GPC6: variants seen among roughly 807,000 people sequenced by gnomAD.
GPC6 encodes the protein glypican 6.
GPC6 carries 14 observed loss-of-function variants against 55.2 expected under a neutral mutation model. The observed-to-expected ratio is 0.25, with a 90% CI of 0.17 to 0.40. The LOEUF is 0.40. Ranked by LOEUF, GPC6 falls within the 10% of genes least tolerant of loss-of-function variation. The pLI, the probability that GPC6 is intolerant of heterozygous loss-of-function variation, is 1.00. For missense variants in GPC6, 641 were observed against 708.5 expected (o/e 0.90, Z 1.08); for synonymous variants, 278 against 259.6 (o/e 1.07, Z -0.68).
chr13:93,535,481 A>G (rs1329220219), intron 1 of GPC6, among the ~76,000 whole-genome samples: 1 of 152,132 alleles, frequency 6.6e-6, no homozygotes, highest in Non-Finnish European at 1.5e-5. Flanking sequence ...CTGCTGTTGT[A>G]ATGCCAAAGT....
intron 2 of GPC6, among the ~76,000 whole-genome samples, chr13:93,766,244 G>T (rs7991676): frequency 0.67 from 101,188 of 152,028 alleles, 34,673 homozygotes; most frequent in African/African-American, 0.81. Context: ...AAAATTGAAG[G>T]AGATCTGCAG....
At chr13:93,289,202 T>C (rs892781077) in intron 1 of GPC6, among the ~76,000 whole-genome samples, 1 of 152,152 alleles carries the variant, frequency 6.6e-6, no homozygotes, top group Non-Finnish European at 1.5e-5. Context: ...ACGTCTTTAA[T>C]GCACACCAGC....
At chr13:94,083,340 G>C (rs372221334) in intron 4 of GPC6, among the ~76,000 whole-genome samples, 48 of 152,254 alleles carry the variant, frequency 3.2e-4, no homozygotes, top group East Asian at 1.9e-3. Flanking sequence ...GGATGGTCTC[G>C]ATCTCCTGAC....
At chr13:93,333,798 A>T (rs997514724) in intron 1 of GPC6, among the ~76,000 whole-genome samples, 1 of 152,136 alleles carries the variant, frequency 6.6e-6, no homozygotes, top group African/African-American at 2.4e-5. Flanking sequence ...TCAGCCGCCC[A>T]AAGTGCTTAG....
intron 3 of GPC6, among the ~76,000 whole-genome samples, chr13:93,854,423 T>A (rs1251089335): frequency 1.3e-5 from 2 of 151,712 alleles, no homozygotes; most frequent in Non-Finnish European, 3.0e-5. Flanking sequence ...TCCCCAAAAC[T>A]GTGCTCTTTA....
At chr13:94,044,579 A>G (rs577080931) in intron 4 of GPC6, among the ~76,000 whole-genome samples, 4 of 151,906 alleles carry the variant, frequency 2.6e-5, no homozygotes. Context: ...ATATGCTATA[A>G]TGATTGACTT....
chr13:93,516,243 C>T (rs1465990509), intron 1 of GPC6, among the ~76,000 whole-genome samples: 2 of 152,152 alleles, frequency 1.3e-5, no homozygotes, highest in African/African-American at 4.8e-5. Context: ...CAACTCTCTC[C>T]AGATGTGCAG....
At chr13:93,334,247 A>C (rs983988755) in intron 1 of GPC6, among the ~76,000 whole-genome samples, 1 of 152,124 alleles carries the variant, frequency 6.6e-6, no homozygotes, top group African/African-American at 2.4e-5. Flanking sequence ...GTGTAGCAAA[A>C]GGACATAATT....
intron 2 of GPC6, among the ~76,000 whole-genome samples, chr13:93,791,041 C>A (rs1361217051): frequency 1.3e-5 from 2 of 152,134 alleles, no homozygotes; most frequent in African/African-American, 4.8e-5. Context: ...CTCAACCGTT[C>A]CCCCTACCCC....
At chr13:93,878,272 A>G (rs188848222) in intron 3 of GPC6, among the ~76,000 whole-genome samples, 1 of 152,138 alleles carries the variant, frequency 6.6e-6, no homozygotes, top group East Asian at 2.0e-4. Context: ...TTAGGCCATG[A>G]GGGTTCCACC....
chr13:93,457,667 G>A (rs1036921484), intron 1 of GPC6, among the ~76,000 whole-genome samples: 2 of 152,122 alleles, frequency 1.3e-5, no homozygotes, highest in African/African-American at 2.4e-5. Flanking sequence ...ACTGGAAAGT[G>A]ATGCATGTCT....
chr13:94,363,904 G>A (rs1420855511), intron 6 of GPC6, among the ~76,000 whole-genome samples: 1 of 152,194 alleles, frequency 6.6e-6, no homozygotes, highest in African/African-American at 2.4e-5. Context: ...TAAAGACTTA[G>A]TACCAGAAAA....
intron 3 of GPC6, among the ~76,000 whole-genome samples, chr13:93,910,133 G>C (rs1016751224): frequency 1.3e-5 from 2 of 152,006 alleles, no homozygotes; most frequent in African/African-American, 2.4e-5. Context: ...ATATCATCTT[G>C]AATTGTAGCT....
intron 4 of GPC6, among the ~76,000 whole-genome samples, chr13:94,179,835 G>A (rs1446194796): frequency 6.6e-6 from 1 of 152,084 alleles, no homozygotes; most frequent in African/African-American, 2.4e-5. Context: ...TACTTTTGGG[G>A]TAATAATGTG....
At chr13:93,858,741 G>A (rs1285949691) in intron 3 of GPC6, among the ~76,000 whole-genome samples, 2 of 151,524 alleles carry the variant, frequency 1.3e-5, no homozygotes, top group Admixed American at 1.3e-4. Flanking sequence ...GAGCTCATTG[G>A]TGGTATCGAC....
At chr13:94,105,894 A>T (rs916403445) in intron 4 of GPC6, among the ~76,000 whole-genome samples, 2 of 152,094 alleles carry the variant, frequency 1.3e-5, no homozygotes, top group African/African-American at 4.8e-5. Context: ...GGATGCTGCT[A>T]AGCATCCTAC....
At chr13:94,009,325 T>C (rs1049747978) in intron 3 of GPC6, among the ~76,000 whole-genome samples, 6 of 152,332 alleles carry the variant, frequency 3.9e-5, no homozygotes, top group African/African-American at 1.4e-4. Flanking sequence ...TCTTCCAAAC[T>C]GTAAGTCAAA....
chr13:94,112,389 C>T (rs1886279366), intron 4 of GPC6, among the ~76,000 whole-genome samples: 2 of 152,168 alleles, frequency 1.3e-5, no homozygotes, highest in South Asian at 2.1e-4. Context: ...TTGTTGGCAG[C>T]CTCCGCTAGG....
At chr13:94,315,905 G>A (rs1002251247) in intron 6 of GPC6, among the ~76,000 whole-genome samples, 10 of 152,196 alleles carry the variant, frequency 6.6e-5, no homozygotes, top group Admixed American at 2.0e-4. Context: ...CTTTGAATGC[G>A]GCCCAACACA....
Sources: allele counts gnomAD v4.1 joint callset (sites outside exome capture counted in the v4.1 genomes callset), GRCh38; gene constraint gnomAD v4.1.1; transcripts MANE v1.5; gene names NCBI Gene and HGNC (gene_info 2026-07-23, HGNC 2026-07-21).